ARHGAP8: variants seen among roughly 807,000 people sequenced by gnomAD.
ARHGAP8 encodes the protein rho GTPase-activating protein 8.
In ARHGAP8, 62 loss-of-function variants were observed where a neutral mutation model predicts 46.1. The observed-to-expected ratio is 1.34, with a 90% CI of 1.10 to 1.66. ARHGAP8 has a LOEUF of 1.66. ARHGAP8 is among the 40% of genes most tolerant of loss of function. ARHGAP8 has a pLI of 0.00. For missense variants in ARHGAP8, 923 were observed against 568.4 expected (o/e 1.62, Z -6.34); for synonymous variants, 375 against 243.1 (o/e 1.54, Z -5.05).
chr22:44,819,369 G>C (rs916984779), intron 5 of ARHGAP8, among the ~76,000 whole-genome samples: 1 of 152,314 alleles, frequency 6.6e-6, no homozygotes, highest in African/African-American at 2.4e-5. Flanking sequence ...ACCTGGCCCT[G>C]ATTTAAAATG....
chr22:44,757,101 A>G (rs1255822615), intron 1 of ARHGAP8, among the ~76,000 whole-genome samples: 1 of 151,962 alleles, frequency 6.6e-6, no homozygotes, highest in African/African-American at 2.4e-5. Flanking sequence ...ATTTTTGTAG[A>G]GACGAGGTCT....
intron 1 of ARHGAP8, among the ~76,000 whole-genome samples, chr22:44,779,261 T>C (rs527662324): frequency 1.8e-3 from 270 of 151,860 alleles, no homozygotes; most frequent in African/African-American, 6.2e-3. Context: ...CATCCACGCC[T>C]GGCTAATTTT....
At chr22:44,801,486 TGTCTATGTGTGGGGGCACCTCTCCCC>T (rs1253517727) in intron 2 of ARHGAP8, among the ~76,000 whole-genome samples, 76 of 58,138 alleles carry the variant, frequency 1.3e-3, no homozygotes, top group African/African-American at 4.1e-3. Context: ...TCCCCGCAGC[TGTCTATGTGTGGGGGCACCTCTCCCC>T]GCAGCTGTCT....
chr22:44,832,588 T>C (rs186444154), intron 7 of ARHGAP8, among the ~76,000 whole-genome samples: 3 of 152,210 alleles, frequency 2.0e-5, no homozygotes, highest in African/African-American at 7.2e-5. Flanking sequence ...ATACATTTTT[T>C]AAATATGTTG....
At chr22:44,800,616 A>G (rs577255808) in intron 2 of ARHGAP8, among the ~76,000 whole-genome samples, 3,971 of 30,382 alleles carry the variant, frequency 0.13, 288 homozygotes, top group South Asian at 0.18. Context: ...GCAGCTGTCC[A>G]TGTGTGGGGG....
chr22:44,831,020 C>T (rs565331353), intron 7 of ARHGAP8, among the ~76,000 whole-genome samples: 15 of 152,084 alleles, frequency 9.9e-5, no homozygotes, highest in African/African-American at 2.9e-4. Context: ...TTGTTTGGAC[C>T]GTCTTTTCAT....
chr22:44,846,939 G>A (rs777698387), intron 8 of ARHGAP8, among the ~76,000 whole-genome samples: 8 of 152,186 alleles, frequency 5.3e-5, no homozygotes, highest in Non-Finnish European at 1.0e-4. Context: ...CTCTGAGGAC[G>A]GGGAGAAGCT....
chr22:44,757,577 C>G (rs893599330), intron 1 of ARHGAP8, among the ~76,000 whole-genome samples: 5 of 152,018 alleles, frequency 3.3e-5, no homozygotes, highest in Admixed American at 3.3e-4. Flanking sequence ...ATGCCTGGCC[C>G]TTTGATCTTT....
intron 7 of ARHGAP8, among the ~76,000 whole-genome samples, chr22:44,844,161 G>A (rs191431377): frequency 2.4e-4 from 37 of 152,118 alleles, no homozygotes; most frequent in African/African-American, 8.2e-4. Context: ...TAGTAGAGAC[G>A]GGGTTTCACC....
At chr22:44,825,620 C>A (rs756616091) in intron 7 of ARHGAP8, 27 bp downstream of exon 7, 1 of 1,600,598 alleles carries the variant, frequency 6.2e-7, no homozygotes, top group Admixed American at 1.7e-5. Context: ...TGTGCCTGCT[C>A]CTATGCCCTG....
intron 1 of ARHGAP8, among the ~76,000 whole-genome samples, chr22:44,776,576 A>G (rs1226250649): frequency 6.6e-6 from 1 of 152,180 alleles, no homozygotes; most frequent in Non-Finnish European, 1.5e-5. Flanking sequence ...TTTGAGAGTC[A>G]TAAAACGCTG....
At chr22:44,797,561 G>A (rs1441935670) in intron 2 of ARHGAP8, among the ~76,000 whole-genome samples, 1 of 152,200 alleles carries the variant, frequency 6.6e-6, no homozygotes, top group Non-Finnish European at 1.5e-5. Context: ...AATGGAAAGC[G>A]TGACCAGAAT....
intron 2 of ARHGAP8, among the ~76,000 whole-genome samples, chr22:44,793,725 G>T (rs1927876649): frequency 6.6e-6 from 1 of 152,202 alleles, no homozygotes; most frequent in African/African-American, 2.4e-5. Flanking sequence ...ATGTGGTGTT[G>T]TAAACAGCGA....
At chr22:44,774,874 G>A (rs528448492) in intron 1 of ARHGAP8, among the ~76,000 whole-genome samples, 51 of 150,986 alleles carry the variant, frequency 3.4e-4, no homozygotes, top group Non-Finnish European at 4.0e-4. Flanking sequence ...TCTGTCACCC[G>A]GGCTGGAGTG....
At position 44,794,621 on chromosome 22, in the gene ARHGAP8, A is replaced by C. The variant is rs142519618; in HGVS notation, c.80-7456A>C. On this transcript the variant is annotated intron_variant, in intron 2 of 11. Coordinates refer to ENST00000356099, the MANE Select transcript of ARHGAP8 (RefSeq NM_181335.3). Reference sequence around the variant, plus strand: ...GCTACCGTGGAGGCTGAGGCAGAAGAATTGCTTGAACCCAGGAGATGGAGG... The same window carrying C: ...GCTACCGTGGAGGCTGAGGCAGAAGCATTGCTTGAACCCAGGAGATGGAGG... Among the ~76,000 whole-genome samples, 1,219 of 152,168 alleles carry C rather than the reference A, an allele frequency of 8.0e-3. 21 individuals are homozygous for C. The highest frequency in any genetic ancestry group is 0.028 in the African/African-American group (1,172 of 41,498).
At chr22:44,775,282 A>G (rs1183008409) in intron 1 of ARHGAP8, among the ~76,000 whole-genome samples, 1 of 152,214 alleles carries the variant, frequency 6.6e-6, no homozygotes, top group Non-Finnish European at 1.5e-5. Context: ...CCTATGGGTC[A>G]GCAGAGATGG....
chr22:44,753,985 T>C (rs1011544429), intron 1 of ARHGAP8, among the ~76,000 whole-genome samples: 1 of 152,190 alleles, frequency 6.6e-6, no homozygotes, highest in Non-Finnish European at 1.5e-5. Flanking sequence ...TTCGATTCAC[T>C]GACTAACCAT....
At chr22:44,787,421 C>T (rs1927339317) in intron 2 of ARHGAP8, among the ~76,000 whole-genome samples, 1 of 152,182 alleles carries the variant, frequency 6.6e-6, no homozygotes, top group South Asian at 2.1e-4. Flanking sequence ...TCCCAGCTCA[C>T]AGCAACCTCT....
At chr22:44,756,627 C>T (rs1449917799) in intron 1 of ARHGAP8, among the ~76,000 whole-genome samples, 1 of 146,084 alleles carries the variant, frequency 6.8e-6, no homozygotes, top group Non-Finnish European at 1.5e-5. Flanking sequence ...GCAACTCACC[C>T]TTCCACCCTC....
Sources: gnomAD v4.1 joint callset for allele counts (sites outside exome capture counted in the v4.1 genomes callset) on GRCh38, gnomAD v4.1.1 for gene constraint, MANE v1.5 for transcripts, NCBI Gene and HGNC (gene_info 2026-07-23, HGNC 2026-07-21) for gene names.